The following ANKRD11 variants were observed in gnomAD, a reference collection of about 807,000 sequenced individuals.
The protein encoded by ANKRD11 is ankyrin repeat domain-containing protein 11.
Under a neutral mutation model 195.7 loss-of-function variants are expected in ANKRD11, and 17 were observed. The observed-to-expected ratio is 0.09, with a 90% CI of 0.06 to 0.13. The LOEUF is 0.13. Ranked by LOEUF, ANKRD11 falls within the 10% of genes least tolerant of loss-of-function variation. ANKRD11 has a pLI of 1.00. For missense variants in ANKRD11, 3,735 were observed against 3,566.1 expected (o/e 1.05, Z -1.21); for synonymous variants, 1,953 against 1,528.1 (o/e 1.28, Z -6.49).
chr16:89,274,637 T>C (rs2033483636), intron 11 of ANKRD11, 177 bp downstream of exon 11: 2 of 943,308 alleles, frequency 2.1e-6, no homozygotes, highest in South Asian at 2.9e-5. Context: ...TGCAGCCTTC[T>C]TGGCTCCTTT....
In ANKRD11 at chr16:89,280,436, C is replaced by T. The variant is rs201636725; in HGVS notation, c.6106G>A (p.Asp2036Asn). Reference protein sequence around the residue: ...ALPVAEPGLEDVKDGVDAVPA... With the variant: ...ALPVAEPGLENVKDGVDAVPA... The stretch of plus-strand genomic sequence containing the variant: ...ACGGCGTCCACTCCGTCCTTGACGT[C>T]CTCCAGCCCCGGCTCAGCGACGGGC... The change falls in exon 9 of 13, where the codon GAC becomes AAC. Residue 2036 changes from aspartate (D) to asparagine (N), a missense_variant. Asp to Asn is a conservative substitution (Grantham distance 23, BLOSUM62 1). Transcript: ENST00000301030. 1,756 of 1,581,004 alleles carry T rather than the reference C, an allele frequency of 1.1e-3. 25 individuals carry two copies. The African/African-American group carries it at 0.022, about 20-fold the overall frequency.
chr16:89,275,010 C>T, intron 10 of ANKRD11, 53 bp from the exon 11 acceptor site: 1 of 1,612,940 alleles, frequency 6.2e-7, no homozygotes, highest in East Asian at 2.2e-5. Context: ...CTCCAGGCCC[C>T]ACTGTCAACA....
intron 3 of ANKRD11, among the ~76,000 whole-genome samples, chr16:89,316,426 A>C (rs1054649899): frequency 3.3e-5 from 5 of 152,168 alleles, no homozygotes; most frequent in Non-Finnish European, 5.9e-5. Flanking sequence ...TCTGCACCCC[A>C]GGAAACTGCA....
chr16:89,450,807 T>C (rs1315837965), intron 1 of ANKRD11, among the ~76,000 whole-genome samples: 1 of 152,104 alleles, frequency 6.6e-6, no homozygotes, highest in Admixed American at 6.6e-5. Flanking sequence ...TGTCAAGACA[T>C]TCTAAATTCT....
intron 12 of ANKRD11, 87 bp downstream of exon 12, chr16:89,270,730 G>A (rs1567536870): frequency 3.8e-6 from 5 of 1,318,484 alleles, no homozygotes; most frequent in Admixed American, 3.8e-5. Flanking sequence ...CCTCCCCCCA[G>A]GCAGCGCAAA....
At position 89,378,160 on chromosome 16, in the gene ANKRD11, G is replaced by A. The variant is rs200443734; in HGVS notation, c.-60+40124C>T. Among the ~76,000 whole-genome samples, 20 of 152,236 alleles carry A rather than the reference G, an allele frequency of 1.3e-4. No homozygotes were observed. The East Asian group carries it at 3.5e-3, about 26-fold the overall frequency. ...AGCCCAGCAGTTTGAGACCAGCCTG[G>A]GCAACATGGCAAGCGAGACTCTGTC... is the stretch of plus-strand genomic sequence containing the variant. On this transcript the variant is annotated intron_variant, in intron 2 of 12. Coordinates refer to ENST00000301030, the MANE Select transcript of ANKRD11 (RefSeq NM_013275.6).
intron 4 of ANKRD11, among the ~76,000 whole-genome samples, chr16:89,293,613 G>A (rs1249385350): frequency 7.7e-6 from 1 of 130,032 alleles, no homozygotes; most frequent in Non-Finnish European, 1.6e-5. Flanking sequence ...TGCGGAGGGA[G>A]GAGCTGGGGC....
In ANKRD11 at chr16:89,285,682, A is replaced by T. The variant is rs780212882; in HGVS notation, c.893-33T>A. The T allele has an allele frequency of 2.5e-6, 4 of 1,611,206 alleles. No individual in the cohort carries two copies. The South Asian group carries it at 3.3e-5, about 13-fold the overall frequency. ...AGGTAGGAAGCGAGAGGTCACAGGC[A>T]GGCTCAAAACAGCTCTCCCCAGAAT... On this transcript the variant is annotated intron_variant, in intron 8 of 12. Transcript: ENST00000301030. This position sits in a 1 kb window ranked among gnomAD's most constrained non-coding sequence, Gnocchi z 5.6.
intron 2 of ANKRD11, among the ~76,000 whole-genome samples, chr16:89,388,920 T>C (rs982073276): frequency 5.9e-5 from 9 of 152,346 alleles, no homozygotes; most frequent in African/African-American, 2.2e-4. Flanking sequence ...CAAGGAACTA[T>C]GTGGATCCCA....
chr16:89,422,353 T>A (rs918304448), intron 1 of ANKRD11: 2 of 152,066 alleles, frequency 1.3e-5, no homozygotes, highest in Non-Finnish European at 2.9e-5. Flanking sequence ...GAATTTTTCT[T>A]TTAAAAAAAG....
intron 3 of ANKRD11, 42 bp from the exon 4 acceptor site, chr16:89,305,386 AC>A: frequency 6.2e-7 from 1 of 1,613,178 alleles, no homozygotes; most frequent in Non-Finnish European, 8.5e-7. Flanking sequence ...TGTCCAAATT[AC>A]ATTCTCAAGC....
rs567937483 is a variant in ANKRD11 at position 89,441,544 on chromosome 16, G to T, written c.-144-23176C>A. Among the ~76,000 whole-genome samples, 562 of 152,082 alleles carry T rather than the reference G, an allele frequency of 3.7e-3. 2 individuals are homozygous for T. The highest frequency in any genetic ancestry group is 0.019 in the South Asian group (89 of 4,810). Reference sequence around the variant, plus strand: ...GCACTTTGGGAGGCCAAGGCGGGCGGATCACGAGGTCAGCAGATGGAGACC... The same window carrying T: ...GCACTTTGGGAGGCCAAGGCGGGCGTATCACGAGGTCAGCAGATGGAGACC... On this transcript the variant is annotated intron_variant, in intron 1 of 12. Coordinates refer to ENST00000301030, the MANE Select transcript of ANKRD11 (RefSeq NM_013275.6).
chr16:89,279,336 C>T lies in ANKRD11; in HGVS notation c.7206G>A (p.Thr2402=), dbSNP rs550312255. 4 of 1,611,292 alleles carry T rather than the reference C, an allele frequency of 2.5e-6. No individual in the cohort carries two copies. Among genetic ancestry groups the T allele is most frequent in the African/African-American group, 2.7e-5 (2 of 74,962 alleles). Residue 2402 remains threonine, a synonymous_variant, in exon 9 of 13, where the codon ACG becomes ACA. Transcript: ENST00000301030. The surrounding 1 kb of genome is among the most constrained non-coding windows in gnomAD (Gnocchi z 5.6). ...TCACCTCCCGCGTCTGCTGCGTGGACGTGTTCAGCTGCTGCTGCAGCTGCT... is the reference window on the plus strand; with the variant it reads ...TCACCTCCCGCGTCTGCTGCGTGGATGTGTTCAGCTGCTGCTGCAGCTGCT... The part of the protein sequence containing the change: ...STQQLQQQLN[T]STQQTREVIQ...
chr16:89,308,189 TAA>T lies in ANKRD11; in HGVS notation c.88-2847_88-2846del, dbSNP rs566334259. On this transcript the variant is annotated intron_variant, in intron 3 of 12. Transcript: ENST00000301030. ...ACCTTATGAACATAGACAGGATATA[TAA>T]AAAAAGACAACACAAATGATAGGAA... Among the ~76,000 whole-genome samples the T allele has an allele frequency of 3.9e-5, 6 of 152,162 alleles. No homozygotes were observed. The South Asian group carries it at 1.2e-3, about 32-fold the overall frequency.
At chr16:89,344,161 G>A (rs528537940) in intron 2 of ANKRD11, among the ~76,000 whole-genome samples, 111 of 152,294 alleles carry the variant, frequency 7.3e-4, no homozygotes, top group African/African-American at 2.6e-3. Flanking sequence ...GAGCACACAC[G>A]GGCAACCCTG....
chr16:89,471,844 T>G (rs1304077318), intron 1 of ANKRD11, among the ~76,000 whole-genome samples: 3 of 123,474 alleles, frequency 2.4e-5, no homozygotes, highest in African/African-American at 6.3e-5. Context: ...TCAACTCACA[T>G]ACAACTCACA....
chr16:89,463,291 A>T lies in ANKRD11; in HGVS notation c.-145+26954T>A, dbSNP rs552850686. Among the ~76,000 whole-genome samples the T allele has an allele frequency of 5.5e-4, 84 of 152,328 alleles. No homozygotes were observed. The East Asian group carries it at 0.014, about 26-fold the overall frequency. On this transcript the variant is annotated intron_variant, in intron 1 of 12. Transcript: ENST00000301030. ...ATGGTTGCCGTGTCTGTGTAGAAAG[A>T]AGTAGACATGGGAGACTTTTCATTT...
chr16:89,351,933 G>C (rs189491267), intron 2 of ANKRD11, among the ~76,000 whole-genome samples: 2 of 152,114 alleles, frequency 1.3e-5, no homozygotes, highest in Admixed American at 6.5e-5. Context: ...CTTTTTTGGA[G>C]ACAGTCTCAC....
At chr16:89,428,985 C>A (rs572832181) in intron 1 of ANKRD11, among the ~76,000 whole-genome samples, 1 of 152,138 alleles carries the variant, frequency 6.6e-6, no homozygotes, top group Non-Finnish European at 1.5e-5. Flanking sequence ...ATGATTTGTA[C>A]AGCCCAACAT....
Sources: gnomAD v4.1 joint callset for allele counts (sites outside exome capture counted in the v4.1 genomes callset) on GRCh38, gnomAD v4.1.1 for gene constraint, Gnocchi (gnomAD v3.1) non-coding constraint, MANE v1.5 for transcripts, NCBI Gene and HGNC (gene_info 2026-07-23, HGNC 2026-07-21) for gene names.